ACBD6: variants seen among roughly 807,000 people sequenced by gnomAD.
ACBD6 encodes acyl-CoA-binding domain-containing protein 6.
A neutral mutation model predicts 37.2 loss-of-function variants in ACBD6; 28 were observed. The observed-to-expected ratio is 0.75, with a 90% confidence interval of 0.56 to 1.03. The LOEUF (loss-of-function observed/expected upper bound fraction) is 1.03, where lower values mean the gene tolerates loss of function less well. Ranked by LOEUF, ACBD6 falls within the 50% of genes least tolerant of loss-of-function variation. The pLI is 0.00. For missense variants in ACBD6, 340 were observed against 337.4 expected (o/e 1.01, Z -0.06); for synonymous variants, 113 against 126.8 (o/e 0.89, Z 0.73).
At chr1:180,324,328 T>C (rs1651177834) in intron 6 of ACBD6, among the ~76,000 whole-genome samples, 1 of 152,124 alleles carries the variant, frequency 6.6e-6, no homozygotes, top group East Asian at 1.9e-4. Flanking sequence ...TTAGTGAAGG[T>C]AGTTTTCTCT....
chr1:180,487,234 C>A (rs974754615), intron 3 of ACBD6, among the ~76,000 whole-genome samples: 1 of 152,090 alleles, frequency 6.6e-6, no homozygotes, highest in African/African-American at 2.4e-5. Flanking sequence ...TGATTTTGAT[C>A]ATTATAGTAT....
At chr1:180,334,944 G>A (rs1185200154) in intron 6 of ACBD6, among the ~76,000 whole-genome samples, 2 of 152,132 alleles carry the variant, frequency 1.3e-5, no homozygotes, top group Admixed American at 1.3e-4. Flanking sequence ...AATGAAGCGA[G>A]AAGAGAAGTT....
chr1:180,405,533 G>A (rs1424496786), intron 5 of ACBD6, among the ~76,000 whole-genome samples: 1 of 152,112 alleles, frequency 6.6e-6, no homozygotes, highest in Non-Finnish European at 1.5e-5. Flanking sequence ...CTTTTGGGGG[G>A]ACTGATGATA....
chr1:180,371,537 G>A (rs1309510638), intron 6 of ACBD6, among the ~76,000 whole-genome samples: 1 of 152,078 alleles, frequency 6.6e-6, no homozygotes, highest in Non-Finnish European at 1.5e-5. Flanking sequence ...CTAATTTCTG[G>A]AGTTGGGGCC....
intron 6 of ACBD6, among the ~76,000 whole-genome samples, chr1:180,365,617 T>C (rs1007167406): frequency 1.3e-5 from 2 of 152,226 alleles, no homozygotes; most frequent in African/African-American, 4.8e-5. Flanking sequence ...CTGGCCTTTA[T>C]AGATTATATT....
intron 3 of ACBD6, among the ~76,000 whole-genome samples, chr1:180,451,620 G>T (rs1649709108): frequency 6.6e-6 from 1 of 152,136 alleles, no homozygotes; most frequent in African/African-American, 2.4e-5. Flanking sequence ...AAAAAAGTCA[G>T]TCATAAAAGA....
chr1:180,501,340 C>CATTATT (rs67704933), intron 1 of ACBD6, among the ~76,000 whole-genome samples: 4 of 151,590 alleles, frequency 2.6e-5, no homozygotes, highest in Non-Finnish European at 5.9e-5. Flanking sequence ...CATTGCATCA[C>CATTATT]ATTATTATTA....
intron 6 of ACBD6, among the ~76,000 whole-genome samples, chr1:180,323,364 GA>G (rs1651145553): frequency 6.6e-6 from 1 of 152,066 alleles, no homozygotes; most frequent in African/African-American, 2.4e-5. Flanking sequence ...GTGCCGAGAA[GA>G]ATGTGTACTG....
At position 180,493,271 on chromosome 1, in the gene ACBD6, AAAAAAAAC is replaced by A. The variant is rs1456897173; in HGVS notation, c.288-914_288-907del. On this transcript the variant is annotated intron_variant, in intron 2 of 7. Transcript: ENST00000367595. Reference sequence around the variant, plus strand: ...TCAAAAAAAAAAAAAAAAAAAAAAAAAAAAAAACAACAACAGCAACTAAAGAATACTAA... The same window carrying A: ...TCAAAAAAAAAAAAAAAAAAAAAAAAAACAACAGCAACTAAAGAATACTAA... Among the ~76,000 whole-genome samples, 233 of 141,082 alleles carry A rather than the reference AAAAAAAAC, an allele frequency of 1.7e-3. 1 individual carries two copies. Among genetic ancestry groups the A allele is most frequent in the African/African-American group, 6.4e-3 (215 of 33,754 alleles). The allele number at this position is 141,082 out of a possible 152,430, so 92.6% of individuals were successfully genotyped here.
chr1:180,395,221 G>C (rs1029033188), intron 6 of ACBD6, among the ~76,000 whole-genome samples: 14 of 152,120 alleles, frequency 9.2e-5, no homozygotes, highest in African/African-American at 3.1e-4. Flanking sequence ...TAGTGGGCGG[G>C]GAAGGGTGGA....
chr1:180,356,878 T>G (rs6425623), intron 6 of ACBD6, among the ~76,000 whole-genome samples: 1 of 149,804 alleles, frequency 6.7e-6, no homozygotes, highest in African/African-American at 2.5e-5. Flanking sequence ...AAAGATTGTT[T>G]ATATTTGGTA....
At position 180,412,329 on chromosome 1, in the gene ACBD6, G is replaced by A. The variant is rs189469384; in HGVS notation, c.573+1037C>T. 1.8e-4 allele frequency among the ~76,000 whole-genome samples: 27 copies of A among 152,256 alleles called. No individual in the cohort carries two copies. In the East Asian group the frequency reaches 5.2e-3, roughly 29 times the overall value. On this transcript the variant is annotated intron_variant, in intron 5 of 7. Coordinates refer to ENST00000367595, the MANE Select transcript of ACBD6 (RefSeq NM_032360.4). ...AGATAATATTAAGGGCTAACCTTTTGTATAGGGAGCTCTGAATTACATATA... is the reference window on the plus strand; with the variant it reads ...AGATAATATTAAGGGCTAACCTTTTATATAGGGAGCTCTGAATTACATATA...
chr1:180,293,321 C>CAA (rs1649790891), intron 7 of ACBD6, among the ~76,000 whole-genome samples: 1 of 115,542 alleles, frequency 8.7e-6, no homozygotes, highest in African/African-American at 3.4e-5. Flanking sequence ...TTTTTTGAGA[C>CAA]AAAGTCTCAC....
chr1:180,439,469 T>C (rs1454147738), intron 3 of ACBD6, among the ~76,000 whole-genome samples: 3 of 152,096 alleles, frequency 2.0e-5, no homozygotes, highest in Non-Finnish European at 2.9e-5. Context: ...TGGGCGCCTG[T>C]AGTCCCAGTT....
At chr1:180,456,140 A>T (rs1407768543) in intron 3 of ACBD6, among the ~76,000 whole-genome samples, 1 of 149,860 alleles carries the variant, frequency 6.7e-6, no homozygotes, top group Non-Finnish European at 1.5e-5. Context: ...TGAACCTAGG[A>T]GGCGGAGGTT....
intron 3 of ACBD6, among the ~76,000 whole-genome samples, chr1:180,452,139 A>G (rs540621997): frequency 6.6e-6 from 1 of 152,304 alleles, no homozygotes; most frequent in South Asian, 2.1e-4. Context: ...AAATGCCCAC[A>G]GGAGAAAGCG....
intron 3 of ACBD6, among the ~76,000 whole-genome samples, chr1:180,456,484 A>T (rs1170952810): frequency 6.6e-6 from 1 of 152,106 alleles, no homozygotes; most frequent in Non-Finnish European, 1.5e-5. Flanking sequence ...CTCAAAGAGG[A>T]TCCATAGCAA....
intron 7 of ACBD6, among the ~76,000 whole-genome samples, chr1:180,309,112 T>C (rs1257641931): frequency 6.6e-6 from 1 of 152,204 alleles, no homozygotes; most frequent in East Asian, 1.9e-4. Flanking sequence ...ATTAACATTA[T>C]TAGCTTTTTA....
At chr1:180,377,938 ACT>A (rs1216725617) in intron 6 of ACBD6, among the ~76,000 whole-genome samples, 3 of 128,400 alleles carry the variant, frequency 2.3e-5, no homozygotes, top group Admixed American at 8.6e-5. Context: ...CAAGAACAAA[ACT>A]CTGTCTCAAA....
Sources: allele counts gnomAD v4.1 joint callset (sites outside exome capture counted in the v4.1 genomes callset), GRCh38; gene constraint gnomAD v4.1.1; transcripts MANE v1.5; gene names NCBI Gene and HGNC (gene_info 2026-07-23, HGNC 2026-07-21).